The following OCA2 variants were observed in gnomAD, a reference collection of about 807,000 sequenced individuals.
OCA2 encodes the protein P protein.
A neutral mutation model predicts 100.2 loss-of-function variants in OCA2; 77 were observed. That is an observed-to-expected ratio of 0.77 (90% CI 0.64 to 0.93). The LOEUF (loss-of-function observed/expected upper bound fraction) is 0.93, where lower values mean the gene tolerates loss of function less well. OCA2 is among the 40% of genes least tolerant of loss of function. OCA2 has a pLI of 0.00. For synonymous variants in OCA2, 432 were observed against 439.2 expected (o/e 0.98, Z 0.21); for missense variants, 1,062 against 1,089.1 (o/e 0.98, Z 0.35).
intron 2 of OCA2, among the ~76,000 whole-genome samples, chr15:28,054,599 CT>C (rs2043629996): frequency 6.6e-6 from 1 of 152,206 alleles, no homozygotes; most frequent in Admixed American, 6.5e-5. Context: ...AGAGATACCC[CT>C]CTCCCAAAAT....
intron 1 of OCA2, among the ~76,000 whole-genome samples, chr15:28,091,266 T>C (rs2044865490): frequency 6.6e-6 from 1 of 152,172 alleles, no homozygotes; most frequent in Non-Finnish European, 1.5e-5. Flanking sequence ...ACACCAATTC[T>C]ATACAATCTC....
At chr15:27,750,503 ATT>A (rs1491510217), downstream of OCA2, among the ~76,000 whole-genome samples, 1 of 152,192 alleles carries the variant, frequency 6.6e-6, no homozygotes, top group Non-Finnish European at 1.5e-5. Flanking sequence ...AAAGGCTCAG[ATT>A]TTTATGTGTC....
At chr15:27,924,778 T>G (rs2038985871) in intron 19 of OCA2, among the ~76,000 whole-genome samples, 2 of 152,074 alleles carry the variant, frequency 1.3e-5, no homozygotes, top group Non-Finnish European at 2.9e-5. Context: ...ATATGAGATA[T>G]AGTGAAAATA....
At chr15:27,747,673 C>G in the OCA2 span, among the ~76,000 whole-genome samples, 2 of 152,096 alleles carry the variant, frequency 1.3e-5, no homozygotes, top group African/African-American at 4.8e-5. Flanking sequence ...TACCTGTTTA[C>G]CTAAAACTAA....
At chr15:27,794,204 G>A (rs909028029) in intron 23 of OCA2, among the ~76,000 whole-genome samples, 1 of 152,168 alleles carries the variant, frequency 6.6e-6, no homozygotes, top group Non-Finnish European at 1.5e-5. Flanking sequence ...TCATCTTTGA[G>A]AGGCGTGGCC....
chr15:27,838,493 A>G (rs534277650), intron 23 of OCA2, among the ~76,000 whole-genome samples: 1 of 152,342 alleles, frequency 6.6e-6, no homozygotes, highest in South Asian at 2.1e-4. Flanking sequence ...AATATAACAA[A>G]TACTCAAAAC....
intron 19 of OCA2, among the ~76,000 whole-genome samples, chr15:27,890,630 G>A (rs951295181): frequency 6.6e-6 from 1 of 152,136 alleles, no homozygotes; most frequent in Non-Finnish European, 1.5e-5. Context: ...GAGGAATAAA[G>A]AGGAAATAAA....
chr15:27,913,535 C>A (rs531424780), intron 19 of OCA2, among the ~76,000 whole-genome samples: 21 of 151,950 alleles, frequency 1.4e-4, no homozygotes, highest in African/African-American at 4.3e-4. Flanking sequence ...ATTGTGAGCT[C>A]ATATATGTTG....
intron 9 of OCA2, among the ~76,000 whole-genome samples, chr15:28,006,765 G>A (rs1027248292): frequency 8.5e-5 from 13 of 152,220 alleles, no homozygotes; most frequent in Non-Finnish European, 1.8e-4. Context: ...AAATGAATGA[G>A]GGGGCAGAGC....
At chr15:28,058,362 T>C (rs1173951613) in intron 2 of OCA2, among the ~76,000 whole-genome samples, 1 of 152,228 alleles carries the variant, frequency 6.6e-6, no homozygotes, top group African/African-American at 2.4e-5. Context: ...GGCCTTCCTC[T>C]GTGGTGGGGC....
chr15:27,720,909 C>G, the OCA2 span, among the ~76,000 whole-genome samples: 2 of 152,076 alleles, frequency 1.3e-5, no homozygotes, highest in Admixed American at 1.3e-4. Flanking sequence ...AAGGAGCATG[C>G]GAATCCTGAG....
the OCA2 span, among the ~76,000 whole-genome samples, chr15:27,733,062 C>G: frequency 6.6e-6 from 1 of 152,200 alleles, no homozygotes; most frequent in Non-Finnish European, 1.5e-5. Flanking sequence ...AATCCATTAG[C>G]ACTCGTCTCT....
chr15:28,090,469 A>C (rs2044852283), intron 1 of OCA2, among the ~76,000 whole-genome samples: 1 of 152,216 alleles, frequency 6.6e-6, no homozygotes, highest in Non-Finnish European at 1.5e-5. Flanking sequence ...ACCTCAACAA[A>C]TTTAAAAGAA....
chr15:27,853,829 G>A (rs2035853952), intron 21 of OCA2, among the ~76,000 whole-genome samples: 1 of 152,172 alleles, frequency 6.6e-6, no homozygotes, highest in South Asian at 2.1e-4. Flanking sequence ...AGCACCAATG[G>A]TGGCTGATCT....
At chr15:27,854,278 A>G (rs557173241) in intron 21 of OCA2, among the ~76,000 whole-genome samples, 42 of 152,304 alleles carry the variant, frequency 2.8e-4, no homozygotes, top group Admixed American at 5.2e-4. Context: ...CATGTGGAGC[A>G]GGGTCCGCCC....
chr15:28,061,140 G>A lies in OCA2; in HGVS notation c.227+20508C>T, dbSNP rs1322046787. Among the ~76,000 whole-genome samples the A allele has an allele frequency of 2.0e-5, 3 of 152,332 alleles. No individual in the cohort carries two copies. In the East Asian group the frequency reaches 5.8e-4, roughly 29 times the overall value. ...CTGTACGTGTGCCCAAGAGGGACCT[G>A]TGAAGTTCTACCCACTCACCTCTGG... On this transcript the variant is annotated intron_variant, in intron 2 of 23. Transcript: ENST00000354638.
intron 23 of OCA2, among the ~76,000 whole-genome samples, chr15:27,778,614 G>T (rs1162332648): frequency 6.6e-6 from 1 of 152,148 alleles, no homozygotes; most frequent in African/African-American, 2.4e-5. Flanking sequence ...AAAAGATGTG[G>T]TCCTGTCAGA....
At chr15:27,895,822 C>A (rs1450028503) in intron 19 of OCA2, 29 of 468,084 alleles carry the variant, frequency 6.2e-5, no homozygotes, top group Non-Finnish European at 3.2e-5. Context: ...TGATACAGGA[C>A]AAAAATAAAT....
At chr15:27,983,604 C>T in intron 13 of OCA2, 121 bp from the exon 14 acceptor site, 6 of 1,052,904 alleles carry the variant, frequency 5.7e-6, no homozygotes, top group Non-Finnish European at 8.7e-6. Context: ...CACACACACC[C>T]CTGTGGGGAA....
Sources: allele counts gnomAD v4.1 joint callset (sites outside exome capture counted in the v4.1 genomes callset), GRCh38; gene constraint gnomAD v4.1.1; transcripts MANE v1.5; gene names NCBI Gene and HGNC (gene_info 2026-07-23, HGNC 2026-07-21).